Variants in GCN1 observed in about 807,000 individuals in gnomAD.
GCN1 encodes the protein stalled ribosome sensor GCN1.
A neutral mutation model predicts 288.4 loss-of-function variants in GCN1; 90 were observed. That is an observed-to-expected ratio of 0.31 (90% CI 0.26 to 0.37). The LOEUF is 0.37. GCN1 is among the 10% of genes least tolerant of loss of function. The pLI, the probability that GCN1 is intolerant of heterozygous loss-of-function variation, is 1.00. For missense variants in GCN1, 2,586 were observed against 3,419.9 expected, an observed-to-expected ratio of 0.76 and a Z score of 6.08; for synonymous variants, 1,386 against 1,420.2, an observed-to-expected ratio of 0.98 and a Z score of 0.54.
intron 1 of GCN1, among the ~76,000 whole-genome samples, chr12:120,194,083 C>T (rs912067781): frequency 1.3e-5 from 2 of 152,224 alleles, no homozygotes; most frequent in African/African-American, 4.8e-5. Flanking sequence ...TGATAACAAC[C>T]AACATATATC....
Position 120,178,893 on chromosome 12 carries a change from C to T in GCN1, c.484G>A (p.Val162Met), listed in dbSNP as rs767733421. 159 of 1,614,004 alleles carry T rather than the reference C, an allele frequency of 9.9e-5. No homozygotes were observed. The highest frequency in any genetic ancestry group is 1.6e-4 in the Middle Eastern group (1 of 6,084). ...EVLGGSHKHA[V>M]DGAVKKLTKL... ...GTGAGTTTCTTCACAGCACCATCCACGGCGTGCTTGTGGGAGCCACCCAGC... is the reference window on the plus strand; with the variant it reads ...GTGAGTTTCTTCACAGCACCATCCATGGCGTGCTTGTGGGAGCCACCCAGC... Residue 162 changes from valine to methionine, a missense_variant, in exon 6 of 58, where the codon GTG (valine) becomes ATG (methionine). Coordinates refer to ENST00000300648, the MANE Select transcript of GCN1 (RefSeq NM_006836.2).
chr12:120,158,383 G>A lies in GCN1; in HGVS notation c.2905+77C>T, dbSNP rs942236052. On this transcript the variant is annotated intron_variant, in intron 25 of 57. Coordinates refer to ENST00000300648, the MANE Select transcript of GCN1 (RefSeq NM_006836.2). This position sits in a 1 kb window ranked among gnomAD's most constrained non-coding sequence, Gnocchi z 4.3. ...ATCCCCCAGGCTCAGGAGGCCCTGG[G>A]TGACGCTGTGCCTTGAGCAGCATTC... 1.0e-5 allele frequency: 13 copies of A among 1,264,408 alleles called. No individual in the cohort carries two copies. The highest frequency in any genetic ancestry group is 1.0e-4 in the Admixed American group (4 of 39,486). The allele number at this position is 1,264,408 out of a possible 1,614,324, so 78.3% of individuals were successfully genotyped here.
intron 37 of GCN1, 151 bp downstream of exon 37, chr12:120,148,016 G>C: frequency 1.6e-6 from 1 of 616,258 alleles, no homozygotes; most frequent in South Asian, 2.0e-5. Flanking sequence ...AACTGCTCCT[G>C]AGCCAATGAC....
intron 16 of GCN1, among the ~76,000 whole-genome samples, chr12:120,167,583 A>G (rs1878174753): frequency 1.3e-5 from 2 of 152,198 alleles, no homozygotes; most frequent in Non-Finnish European, 1.5e-5. Context: ...CAGAGATCAA[A>G]GCAGGGGTAT....
Position 120,175,726 on chromosome 12 carries a change from G to A in GCN1, c.1042+20C>T, listed in dbSNP as rs1392814310. ...GGGGCCACGCCTCAACCACCCGCAT[G>A]GCCAAGAAGGCTTGCTCACCTCCGA... is the stretch of plus-strand genomic sequence containing the variant. On this transcript the variant is annotated intron_variant, in intron 11 of 57. Transcript: ENST00000300648. 27 of 1,604,024 alleles carry A rather than the reference G, an allele frequency of 1.7e-5. No homozygotes were observed. The highest frequency in any genetic ancestry group is 2.3e-5 in the Non-Finnish European group (27 of 1,176,340).
intron 15 of GCN1, among the ~76,000 whole-genome samples, chr12:120,169,021 C>T (rs917310323): frequency 5.1e-4 from 77 of 152,018 alleles, no homozygotes; most frequent in African/African-American, 1.7e-3. Flanking sequence ...CCTGGCCGGG[C>T]GCAGTGGCTC....
At chr12:120,154,566 A>G (rs1332313058) in intron 31 of GCN1, among the ~76,000 whole-genome samples, 1 of 152,236 alleles carries the variant, frequency 6.6e-6, no homozygotes, top group African/African-American at 2.4e-5. Context: ...AAAGGCTGGT[A>G]GCTTCTGTTA....
intron 31 of GCN1, among the ~76,000 whole-genome samples, chr12:120,154,271 C>A (rs542621144): frequency 6.6e-6 from 1 of 152,342 alleles, no homozygotes; most frequent in South Asian, 2.1e-4. Flanking sequence ...ACACATTCTC[C>A]AAGGGCAAAG....
At chr12:120,174,441 G>A (rs751978244) in intron 12 of GCN1, among the ~76,000 whole-genome samples, 3 of 152,174 alleles carry the variant, frequency 2.0e-5, no homozygotes, top group Non-Finnish European at 2.9e-5. Context: ...ACCCAAGATC[G>A]TCACAGGAGT....
chr12:120,164,245 C>T, intron 18 of GCN1, 91 bp downstream of exon 18: 1 of 1,085,946 alleles, frequency 9.2e-7, no homozygotes, highest in Non-Finnish European at 1.4e-6. Flanking sequence ...GAAAGAACAC[C>T]CAGGGAGTGG....
chr12:120,146,891 G>C (rs1389537946), intron 38 of GCN1, among the ~76,000 whole-genome samples, 161 bp downstream of exon 38: 1 of 152,210 alleles, frequency 6.6e-6, no homozygotes, highest in Admixed American at 6.5e-5. Flanking sequence ...GATGCCCAGA[G>C]AGCCCGGATT....
In GCN1 at chr12:120,138,036, C is replaced by T. The variant is rs201106728; in HGVS notation, c.6258G>A (p.Thr2086=). The T allele has an allele frequency of 1.1e-4, 172 of 1,612,384 alleles. 1 individual carries two copies. The highest frequency in any genetic ancestry group is 6.6e-4 in the Middle Eastern group (4 of 6,034). Residue 2086 remains threonine (T), a synonymous_variant, in exon 48 of 58, where the codon ACG becomes ACA. Transcript: ENST00000300648. The stretch of plus-strand genomic sequence containing the variant: ...CCAGCACCCGGGTGTTGACAGGTGG[C>T]GTTGTCAGCTGGTGGAATGACAAAC... ...VLPYLVPKLT[T]PPVNTRVLAF...
At chr12:120,186,853 A>G (rs886415055) in intron 2 of GCN1, among the ~76,000 whole-genome samples, 1 of 152,224 alleles carries the variant, frequency 6.6e-6, no homozygotes, top group Non-Finnish European at 1.5e-5. Flanking sequence ...GAGGTGAAGT[A>G]ACTTGAAGCA....
Position 120,134,493 on chromosome 12 carries a change from G to T in GCN1, c.7202+40C>A. 6.2e-7 allele frequency: 1 copy of T among 1,602,772 alleles called. No individual in the cohort carries two copies. The highest frequency in any genetic ancestry group is 8.5e-7 in the Non-Finnish European group (1 of 1,170,446). On this transcript the variant is annotated intron_variant, in intron 52 of 57. Coordinates refer to ENST00000300648, the MANE Select transcript of GCN1 (RefSeq NM_006836.2). This position sits in a 1 kb window ranked among gnomAD's most constrained non-coding sequence, Gnocchi z 5.0. Reference sequence around the variant, plus strand: ...CAGGCTCGGCCCACAGCAACCCCTGGCCTCCTGGAGGCCACAGTGCTCCCT... The same window carrying T: ...CAGGCTCGGCCCACAGCAACCCCTGTCCTCCTGGAGGCCACAGTGCTCCCT...
chr12:120,150,078 A>T, intron 34 of GCN1, 35 bp from the exon 35 acceptor site: 1 of 1,610,644 alleles, frequency 6.2e-7, no homozygotes, highest in Non-Finnish European at 8.5e-7. Context: ...CTGGGAAGAG[A>T]ATGTCCCCTG....
At chr12:120,167,438 G>A (rs1031678448) in intron 16 of GCN1, among the ~76,000 whole-genome samples, 4 of 151,310 alleles carry the variant, frequency 2.6e-5, no homozygotes, top group African/African-American at 7.3e-5. Flanking sequence ...CAGTACATAC[G>A]GCAGGCACAC....
At position 120,158,737 on chromosome 12, in the gene GCN1, G is replaced by A. The variant is rs1021977764; in HGVS notation, c.2750-122C>T. 2 of 859,522 alleles carry A rather than the reference G, an allele frequency of 2.3e-6. No homozygotes were observed. Among genetic ancestry groups the A allele is most frequent in the African/African-American group, 3.4e-5 (2 of 58,488 alleles). 53.2% of individuals were successfully genotyped at this position (859,522 alleles called of 1,614,324 possible). ...CTTAAAAAAATATTTCTGCGGCTGG[G>A]CGCGGTGGCTGATGCCTGTAATCCC... On this transcript the variant is annotated intron_variant, in intron 24 of 57. Transcript: ENST00000300648. This position sits in a 1 kb window ranked among gnomAD's most constrained non-coding sequence, Gnocchi z 4.3.
chr12:120,131,450 A>T, intron 54 of GCN1, 117 bp from the exon 55 acceptor site: 1 of 959,788 alleles, frequency 1.0e-6, no homozygotes, highest in Non-Finnish European at 1.6e-6. Context: ...GCACAAGGAA[A>T]ACTCCAGGCC....
intron 38 of GCN1, among the ~76,000 whole-genome samples, chr12:120,146,226 C>G (rs1877356694): frequency 7.2e-6 from 1 of 139,186 alleles, no homozygotes; most frequent in African/African-American, 2.8e-5. Flanking sequence ...GAGACTGATT[C>G]AGTGCACTCC....
Sources: gnomAD v4.1 joint callset for allele counts (sites outside exome capture counted in the v4.1 genomes callset) on GRCh38, gnomAD v4.1.1 for gene constraint, Gnocchi (gnomAD v3.1) non-coding constraint, MANE v1.5 for transcripts, NCBI Gene and HGNC (gene_info 2026-07-23, HGNC 2026-07-21) for gene names.